EIF2AK4: variants seen among roughly 807,000 people sequenced by gnomAD.
EIF2AK4 encodes the protein eIF-2-alpha kinase GCN2.
A neutral mutation model predicts 211.1 loss-of-function variants in EIF2AK4; 139 were observed. The observed-to-expected ratio is 0.66, with a 90% confidence interval of 0.57 to 0.76. The LOEUF (loss-of-function observed/expected upper bound fraction) is 0.76. EIF2AK4 is among the 30% of genes least tolerant of loss of function. EIF2AK4 has a pLI of 0.00. For missense variants in EIF2AK4, 1,664 were observed against 2,043.8 expected, an observed-to-expected ratio of 0.81 and a Z score of 3.58; for synonymous variants, 710 against 751.3, an observed-to-expected ratio of 0.94 and a Z score of 0.90.
At chr15:39,944,103 C>T (rs2034187665) in intron 3 of EIF2AK4, among the ~76,000 whole-genome samples, 1 of 152,186 alleles carries the variant, frequency 6.6e-6, no homozygotes, top group Non-Finnish European at 1.5e-5. Flanking sequence ...GACCACCTCT[C>T]CCCTTTGCAT....
At chr15:39,992,344 CTTAAG>C in intron 17 of EIF2AK4, 115 bp downstream of exon 17, 1 of 764,940 alleles carries the variant, frequency 1.3e-6, no homozygotes. Context: ...TTAATTGCTC[CTTAAG>C]TTAACAAAAT....
chr15:39,946,763 A>C (rs1595542648), intron 3 of EIF2AK4: 1 of 660,158 alleles, frequency 1.5e-6, no homozygotes, highest in Non-Finnish European at 2.8e-6. Flanking sequence ...CCCAGCCTTC[A>C]CCAGCCACCA....
intron 37 of EIF2AK4, among the ~76,000 whole-genome samples, chr15:40,033,536 A>G (rs1015261359): frequency 6.6e-6 from 1 of 152,222 alleles, no homozygotes; most frequent in Admixed American, 6.5e-5. Context: ...CATATCAAAG[A>G]ATACTTTTTT....
chr15:39,983,064 A>G (rs1355293855), intron 13 of EIF2AK4, among the ~76,000 whole-genome samples: 1 of 152,192 alleles, frequency 6.6e-6, no homozygotes, highest in African/African-American at 2.4e-5. Context: ...TATACCCAGT[A>G]ATGGGATGGC....
rs767908991 is a variant in EIF2AK4 at position 39,934,321 on chromosome 15, G to A, written c.126G>A (p.Arg42=). The A allele has an allele frequency of 7.5e-6, 12 of 1,610,520 alleles. No homozygotes were observed. In the South Asian group the frequency reaches 1.1e-4, roughly 15 times the overall value. ...ACGGCGCGGACTTCCAAGACCTGCG[G>A]CCGGACGCTTGCGGACCGGTAGGAA... ...AIYGADFQDL[R]PDACGPVKEP... Residue 42 remains arginine (R), a synonymous_variant, in exon 1 of 39, where the codon CGG becomes CGA. Coordinates refer to ENST00000263791, the MANE Select transcript of EIF2AK4 (RefSeq NM_001013703.4).
intron 27 of EIF2AK4, 22 bp downstream of exon 27, chr15:40,011,368 T>A (rs2035233311): frequency 7.0e-6 from 11 of 1,580,710 alleles, no homozygotes; most frequent in Non-Finnish European, 9.5e-6. Context: ...CTAATGGTAT[T>A]ATTACAGCTT....
At position 39,989,987 on chromosome 15, in the gene EIF2AK4, G is replaced by A. The variant is rs145584134; in HGVS notation, c.2527-286G>A. Among the ~76,000 whole-genome samples the A allele has an allele frequency of 1.3e-5, 2 of 152,204 alleles. 1 individual carries two copies. Among genetic ancestry groups the A allele is most frequent in the South Asian group, 4.1e-4 (2 of 4,826 alleles). On this transcript the variant is annotated intron_variant, in intron 15 of 38. Coordinates refer to ENST00000263791, the MANE Select transcript of EIF2AK4 (RefSeq NM_001013703.4). ...ACCAGAGGAGAGGTTTTGTAATGCA[G>A]CAGAGGTAAGGGTAACTTGGTGAAC...
chr15:40,024,880 CCAT>C (rs2035445922), intron 32 of EIF2AK4, among the ~76,000 whole-genome samples: 1 of 152,064 alleles, frequency 6.6e-6, no homozygotes, highest in South Asian at 2.1e-4. Context: ...GCACGCACCA[CCAT>C]GACTGGCTAA....
At chr15:40,021,392 GC>G (rs1392976382) in intron 31 of EIF2AK4, among the ~76,000 whole-genome samples, 2 of 152,150 alleles carry the variant, frequency 1.3e-5, no homozygotes, top group Non-Finnish European at 2.9e-5. Flanking sequence ...CAGCAATGAA[GC>G]GCCTCCTTCC....
chr15:40,012,892 G>A (rs2035253276), intron 27 of EIF2AK4, among the ~76,000 whole-genome samples: 1 of 152,154 alleles, frequency 6.6e-6, no homozygotes, highest in Non-Finnish European at 1.5e-5. Flanking sequence ...GTATTAGGAA[G>A]GGGAGTAGAA....
chr15:39,963,943 A>G (rs900969026), intron 7 of EIF2AK4, among the ~76,000 whole-genome samples: 3 of 152,224 alleles, frequency 2.0e-5, no homozygotes, highest in Non-Finnish European at 2.9e-5. Flanking sequence ...CTTTATGTAA[A>G]TAACGTCTTA....
intron 3 of EIF2AK4, 139 bp from the exon 4 acceptor site, chr15:39,948,975 CAG>C: frequency 1.0e-6 from 1 of 958,550 alleles, no homozygotes; most frequent in Non-Finnish European, 1.6e-6. Context: ...ATACCGAATT[CAG>C]AGTATGTCAT....
intron 35 of EIF2AK4, among the ~76,000 whole-genome samples, chr15:40,031,006 G>A (rs1247077549): frequency 6.6e-6 from 1 of 152,188 alleles, no homozygotes; most frequent in Non-Finnish European, 1.5e-5. Context: ...TTGGGAGGCC[G>A]AGGAGGGCGG....
chr15:40,034,353 A>C lies in EIF2AK4; in HGVS notation c.4801A>C (p.Thr1601Pro), dbSNP rs778951910. The C allele has an allele frequency of 6.2e-6, 10 of 1,614,024 alleles. No individual in the cohort carries two copies. Among genetic ancestry groups the C allele is most frequent in the Non-Finnish European group, 8.5e-6 (10 of 1,180,004 alleles). Reference protein sequence around the residue: ...EWDADEQAFNTTVKQLLSRLP... With the variant: ...EWDADEQAFNPTVKQLLSRLP... ...GGATGCTGATGAACAGGCATTTAAC[A>C]CAACTGTGAAGCAGCTGCTGTCACG... Residue 1601 changes from threonine (T) to proline (P), a missense_variant, in exon 38 of 39, where the codon ACA becomes CCA. This residue lies in a region of EIF2AK4 where 138 missense variants were observed against 165.1 expected (regional missense o/e 0.84). Transcript: ENST00000263791.
At chr15:39,952,919 C>G (rs779919507) in intron 4 of EIF2AK4, among the ~76,000 whole-genome samples, 5 of 152,174 alleles carry the variant, frequency 3.3e-5, no homozygotes, top group Non-Finnish European at 7.3e-5. Flanking sequence ...ATGATACTGG[C>G]TTACTACAAC....
At chr15:40,006,084 A>G (rs1365335796) in intron 23 of EIF2AK4, among the ~76,000 whole-genome samples, 1 of 152,230 alleles carries the variant, frequency 6.6e-6, no homozygotes, top group Non-Finnish European at 1.5e-5. Context: ...GTAAGGTGTC[A>G]AAGAATACAC....
Position 39,972,649 on chromosome 15 carries a change from G to A in EIF2AK4, c.1554-259G>A, listed in dbSNP as rs570568372. Among the ~76,000 whole-genome samples the A allele has an allele frequency of 7.2e-5, 11 of 152,212 alleles. No individual in the cohort carries two copies. The East Asian group carries it at 1.4e-3, about 19-fold the overall frequency. Reference sequence around the variant, plus strand: ...TGCTACCTTAGACTTTTAAAAAATTGTTCCATGAGGGTAAGTCTTCTCATC... The same window carrying A: ...TGCTACCTTAGACTTTTAAAAAATTATTCCATGAGGGTAAGTCTTCTCATC... On this transcript the variant is annotated intron_variant, in intron 9 of 38. Transcript: ENST00000263791.
In EIF2AK4 at chr15:39,985,991, T is replaced by C. The variant is rs8030980; in HGVS notation, c.2403+103T>C. 669,913 of 970,130 alleles carry C rather than the reference T, an allele frequency of 0.69. 231,630 individuals carry two copies. The highest frequency in any genetic ancestry group is 0.73 in the Admixed American group (29,118 of 39,828). 60.1% of individuals were successfully genotyped at this position (970,130 alleles called of 1,614,324 possible). ...AAGATAATGGACAGAGGAGGGCTTA[T>C]TGCCACTACCAAAGATTAATTGGCC... On this transcript the variant is annotated intron_variant, in intron 14 of 38. Transcript: ENST00000263791.
chr15:39,956,531 C>T (rs1382337444), intron 6 of EIF2AK4, among the ~76,000 whole-genome samples: 1 of 152,218 alleles, frequency 6.6e-6, no homozygotes, highest in Non-Finnish European at 1.5e-5. Context: ...CCCCAGTTGG[C>T]TGCCAGGGGT....
Sources: gnomAD v4.1 joint callset for allele counts (sites outside exome capture counted in the v4.1 genomes callset) on GRCh38, gnomAD v4.1.1 for gene constraint, gnomAD v4.1.1 regional missense constraint, MANE v1.5 for transcripts, NCBI Gene and HGNC (gene_info 2026-07-23, HGNC 2026-07-21) for gene names.